The following KCNIP1 variants were observed in gnomAD, a reference collection of about 807,000 sequenced individuals.
KCNIP1 encodes the protein potassium voltage-gated channel interacting protein 1.
A neutral mutation model predicts 33.0 loss-of-function variants in KCNIP1; 18 were observed. That is an observed-to-expected ratio of 0.55 (90% CI 0.38 to 0.81). The LOEUF is 0.81. KCNIP1 is among the 30% of genes least tolerant of loss of function. The pLI is 0.00. For synonymous variants in KCNIP1, 93 were observed against 98.3 expected (o/e 0.95, Z 0.32); for missense variants, 238 against 271.6 (o/e 0.88, Z 0.87).
At chr5:170,588,946 T>G (rs950687312) in intron 1 of KCNIP1, among the ~76,000 whole-genome samples, 3 of 151,502 alleles carry the variant, frequency 2.0e-5, no homozygotes, top group African/African-American at 4.8e-5. Flanking sequence ...GTAATAATTG[T>G]GCCTACCTCT....
intron 4 of KCNIP1, 58 bp from the exon 5 acceptor site, chr5:170,722,655 G>T: frequency 8.3e-7 from 1 of 1,198,998 alleles, no homozygotes; most frequent in Non-Finnish European, 1.2e-6. Flanking sequence ...CAAAGACACA[G>T]CTTCACACTG....
chr5:170,724,624 A>G (rs929989396), intron 5 of KCNIP1, among the ~76,000 whole-genome samples: 1 of 152,240 alleles, frequency 6.6e-6, no homozygotes, highest in African/African-American at 2.4e-5. Flanking sequence ...GCTAAAAATA[A>G]TAAGTGAATT....
intron 1 of KCNIP1, among the ~76,000 whole-genome samples, chr5:170,598,154 C>T (rs1460522384): frequency 6.6e-6 from 1 of 152,180 alleles, no homozygotes; most frequent in African/African-American, 2.4e-5. Context: ...GCAACAGAAT[C>T]TTCCCTGGCT....
Position 170,385,983 on chromosome 5 carries a change from G to A in KCNIP1, c.88+32019G>A, listed in dbSNP as rs147622031. Among the ~76,000 whole-genome samples the A allele has an allele frequency of 2.0e-3, 306 of 151,942 alleles. 1 individual carries two copies. Among genetic ancestry groups the A allele is most frequent in the African/African-American group, 7.1e-3 (293 of 41,438 alleles). On this transcript the variant is annotated intron_variant, in intron 1 of 7. Coordinates refer to the KCNIP1 transcript ENST00000377360. ...AAAAAAAAAATACAAAAAATTAGCC[G>A]GGTGTGGTCGTGGGAGCCAGTAGTC... is the stretch of plus-strand genomic sequence containing the variant.
At chr5:170,642,623 C>T (rs921862741) in intron 1 of KCNIP1, among the ~76,000 whole-genome samples, 31 of 152,178 alleles carry the variant, frequency 2.0e-4, no homozygotes, top group African/African-American at 5.6e-4. Flanking sequence ...AGGACAGATG[C>T]GGGGAATCTG....
intron 1 of KCNIP1, among the ~76,000 whole-genome samples, chr5:170,652,008 C>T (rs189833598): frequency 2.0e-5 from 3 of 152,146 alleles, no homozygotes; most frequent in Non-Finnish European, 4.4e-5. Context: ...GATATTAAAC[C>T]ACCAGGAAGT....
At chr5:170,479,489 G>A (rs1449161817) in intron 1 of KCNIP1, among the ~76,000 whole-genome samples, 1 of 152,160 alleles carries the variant, frequency 6.6e-6, no homozygotes, top group African/African-American at 2.4e-5. Flanking sequence ...ATATTTAATA[G>A]AAGAATTAAA....
In KCNIP1 at chr5:170,390,105, G is replaced by A. The variant is rs530254793; in HGVS notation, c.88+36141G>A. Among the ~76,000 whole-genome samples, 528 of 152,250 alleles carry A rather than the reference G, an allele frequency of 3.5e-3. 2 individuals carry two copies. Among genetic ancestry groups the A allele is most frequent in the Non-Finnish European group, 4.9e-3 (335 of 68,022 alleles). On this transcript the variant is annotated intron_variant, in intron 1 of 7. Transcript: ENST00000377360. ...CCCTCCCAGAGACCGCGAAAGTACA[G>A]AGATTTCTTCCTAGCAATAAGACAA...
At chr5:170,503,980 G>GC, upstream of KCNIP1, 1 of 543,966 alleles carries the variant, frequency 1.8e-6, no homozygotes, top group Non-Finnish European at 2.3e-6. Flanking sequence ...CTCCGTAGTT[G>GC]CCCGCCCGCC....
At chr5:170,371,607 G>A (rs116587059) in intron 1 of KCNIP1, among the ~76,000 whole-genome samples, 1 of 152,128 alleles carries the variant, frequency 6.6e-6, no homozygotes, top group Non-Finnish European at 1.5e-5. Flanking sequence ...TGGCTCATTG[G>A]TGAAATGGAG....
intron 1 of KCNIP1, among the ~76,000 whole-genome samples, chr5:170,413,768 C>T (rs1213414127): frequency 6.6e-6 from 1 of 152,044 alleles, no homozygotes; most frequent in Non-Finnish European, 1.5e-5. Context: ...CTCCACCAGC[C>T]CAGCCTCCCC....
chr5:170,496,412 G>T lies in KCNIP1; in HGVS notation c.88+142448G>T, dbSNP rs367768294. Among the ~76,000 whole-genome samples, 20 of 152,328 alleles carry T rather than the reference G, an allele frequency of 1.3e-4. No individual in the cohort carries two copies. In the East Asian group the frequency reaches 2.7e-3, roughly 21 times the overall value. On this transcript the variant is annotated intron_variant, in intron 1 of 7. Transcript: ENST00000377360. The stretch of plus-strand genomic sequence containing the variant: ...GTCAGACCAGCTGAGTTCAAGGCCA[G>T]CTCCACCATCTATTCACTGTGACTT...
At chr5:170,655,536 A>G (rs1761225780) in intron 1 of KCNIP1, among the ~76,000 whole-genome samples, 1 of 152,202 alleles carries the variant, frequency 6.6e-6, no homozygotes, top group Non-Finnish European at 1.5e-5. Flanking sequence ...TTCTAGGCCC[A>G]CCTTCACCAA....
At chr5:170,658,388 C>G (rs1421468318) in intron 1 of KCNIP1, among the ~76,000 whole-genome samples, 1 of 152,156 alleles carries the variant, frequency 6.6e-6, no homozygotes, top group Non-Finnish European at 1.5e-5. Flanking sequence ...TAAAAACCCA[C>G]CAGTCCCACT....
At chr5:170,694,580 A>C (rs1285173562) in intron 1 of KCNIP1, among the ~76,000 whole-genome samples, 4 of 152,226 alleles carry the variant, frequency 2.6e-5, no homozygotes, top group Non-Finnish European at 2.9e-5. Context: ...TCTGCCACTC[A>C]ATGACTAATA....
upstream of KCNIP1, among the ~76,000 whole-genome samples, chr5:170,500,535 C>A (rs1581245983): frequency 6.6e-6 from 1 of 152,144 alleles, no homozygotes; most frequent in East Asian, 1.9e-4. Context: ...TTCAGCACTC[C>A]CTCTGCACAT....
At chr5:170,610,240 G>T (rs1312248705) in intron 1 of KCNIP1, among the ~76,000 whole-genome samples, 1 of 152,222 alleles carries the variant, frequency 6.6e-6, no homozygotes, top group African/African-American at 2.4e-5. Flanking sequence ...AACCACTTAT[G>T]TTAGAATAAA....
chr5:170,520,207 G>GA (rs1249932780), intron 1 of KCNIP1, among the ~76,000 whole-genome samples: 2 of 152,188 alleles, frequency 1.3e-5, no homozygotes, highest in Admixed American at 6.5e-5. Context: ...ACAGTCCTAT[G>GA]AAGCAGATGC....
At chr5:170,594,127 G>C (rs1165649887) in intron 1 of KCNIP1, among the ~76,000 whole-genome samples, 1 of 152,224 alleles carries the variant, frequency 6.6e-6, no homozygotes, top group Non-Finnish European at 1.5e-5. Context: ...GACACAGCTA[G>C]AGATTGGCAA....
Sources: gnomAD v4.1 joint callset for allele counts (sites outside exome capture counted in the v4.1 genomes callset) on GRCh38, gnomAD v4.1.1 for gene constraint, MANE v1.5 for transcripts, NCBI Gene and HGNC (gene_info 2026-07-23, HGNC 2026-07-21) for gene names.